Variants in INO80 observed in about 807,000 individuals in gnomAD.
INO80 encodes the protein chromatin-remodeling ATPase INO80.
In INO80, 20 loss-of-function variants were observed where a neutral mutation model predicts 203.4. That is an observed-to-expected ratio of 0.10 (90% CI 0.07 to 0.14). The LOEUF (loss-of-function observed/expected upper bound fraction) is 0.14, where lower values mean the gene tolerates loss of function less well. INO80 is among the 10% of genes least tolerant of loss of function. The probability of loss-of-function intolerance (pLI) is 1.00; values close to 1 mark genes in which losing one functional copy is unlikely to be tolerated. For missense variants in INO80, 1,419 were observed against 1,914.4 expected (o/e 0.74, Z 4.83); for synonymous variants, 726 against 685.2 (o/e 1.06, Z -0.93).
intron 14 of INO80, among the ~76,000 whole-genome samples, chr15:41,061,192 AG>A (rs2045098730): frequency 6.6e-6 from 1 of 152,128 alleles, no homozygotes; most frequent in South Asian, 2.1e-4. Flanking sequence ...CTGCAGTCCC[AG>A]GAACTCACGA....
In INO80 at chr15:41,015,541, T is replaced by C. The variant is rs142390758; in HGVS notation, c.3402+547A>G. 7.3e-3 allele frequency among the ~76,000 whole-genome samples: 1,101 copies of C among 151,660 alleles called. 4 individuals carry two copies. Among genetic ancestry groups the C allele is most frequent in the Non-Finnish European group, 0.012 (810 of 67,882 alleles). On this transcript the variant is annotated intron_variant, in intron 27 of 35. Coordinates refer to ENST00000648947, the MANE Select transcript of INO80 (RefSeq NM_017553.3). The stretch of plus-strand genomic sequence containing the variant: ...TTCCCTAGTAAAAGGATGTAAGGGG[T>C]GTTCTATTTCACTGGTGTAGGGCAG...
At chr15:41,060,305 T>C (rs148016928) in intron 14 of INO80, among the ~76,000 whole-genome samples, 410 of 152,280 alleles carry the variant, frequency 2.7e-3, no homozygotes, top group Non-Finnish European at 4.6e-3. Context: ...AGATGTAAGA[T>C]AGGCTGGGCA....
chr15:41,019,168 T>C lies in INO80; in HGVS notation c.3274+1732A>G, dbSNP rs186535481. Among the ~76,000 whole-genome samples, 409 of 152,296 alleles carry C rather than the reference T, an allele frequency of 2.7e-3. 3 individuals carry two copies. The highest frequency in any genetic ancestry group is 0.013 in the South Asian group (61 of 4,818). ...GATTGTACATCTTTCTGGTGAAACATGGAGAAGAAAAGGTGTGAAACCCAG... is the reference window on the plus strand; with the variant it reads ...GATTGTACATCTTTCTGGTGAAACACGGAGAAGAAAAGGTGTGAAACCCAG... On this transcript the variant is annotated intron_variant, in intron 26 of 35. Transcript: ENST00000648947.
At chr15:41,073,266 C>T (rs954565358) in intron 11 of INO80, among the ~76,000 whole-genome samples, 162 bp downstream of exon 11, 43 of 151,984 alleles carry the variant, frequency 2.8e-4, no homozygotes, top group African/African-American at 9.9e-4. Context: ...TGAAAGAGAC[C>T]CAGCTCCACC....
intron 1 of INO80, among the ~76,000 whole-genome samples, chr15:41,100,225 C>T (rs1030217884): frequency 6.6e-6 from 1 of 152,078 alleles, no homozygotes; most frequent in Non-Finnish European, 1.5e-5. Flanking sequence ...CAGGCGCCTG[C>T]CACCACGCCA....
chr15:41,027,921 CA>C (rs2044400824), intron 24 of INO80, 185 bp from the exon 25 acceptor site: 1 of 402,150 alleles, frequency 2.5e-6, no homozygotes, highest in South Asian at 7.2e-5. Context: ...ATGTTAATTT[CA>C]AAATGTGGTT....
At chr15:41,034,650 T>C (rs1414403053) in intron 24 of INO80, among the ~76,000 whole-genome samples, 1 of 152,234 alleles carries the variant, frequency 6.6e-6, no homozygotes, top group African/African-American at 2.4e-5. Flanking sequence ...ACTAACTTGT[T>C]AGCTCCAAAG....
At chr15:41,107,263 G>A (rs1338602831) in intron 1 of INO80, among the ~76,000 whole-genome samples, 2 of 152,192 alleles carry the variant, frequency 1.3e-5, no homozygotes, top group African/African-American at 4.8e-5. Context: ...CAAGGCAGGC[G>A]ATCATTTGAG....
At chr15:41,082,439 G>A (rs960157645) in intron 7 of INO80, among the ~76,000 whole-genome samples, 1 of 151,850 alleles carries the variant, frequency 6.6e-6, no homozygotes, top group African/African-American at 2.4e-5. Flanking sequence ...GGTGGCTCAC[G>A]CCTGTAATCC....
intron 26 of INO80, chr15:41,018,853 A>C (rs1027796157): frequency 2.0e-5 from 3 of 152,262 alleles, no homozygotes; most frequent in Non-Finnish European, 4.4e-5. Context: ...GATTCTGCTA[A>C]GTCAAACCTG....
rs182986420 is a variant in INO80, at chr15:41,109,142, T to C, written c.-44+6831A>G. On this transcript the variant is annotated intron_variant, in intron 1 of 35. Coordinates refer to ENST00000648947, the MANE Select transcript of INO80 (RefSeq NM_017553.3). ...CATTAATAAGGTAGAAAGGGCAGATTTGATAGCTTACCTCAAAAAAGCTAC... is the reference window on the plus strand; with the variant it reads ...CATTAATAAGGTAGAAAGGGCAGATCTGATAGCTTACCTCAAAAAAGCTAC... 1.5e-3 allele frequency: 235 copies of C among 152,942 alleles called. 2 individuals carry two copies. Among genetic ancestry groups the C allele is most frequent in the African/African-American group, 5.5e-3 (228 of 41,584 alleles). 9.5% of individuals were successfully genotyped at this position (152,942 alleles called of 1,614,324 possible). A position where few individuals can be genotyped will look rare whatever the true frequency, so the allele number is the denominator to read the frequency against.
intron 24 of INO80, among the ~76,000 whole-genome samples, chr15:41,036,156 G>GAAAAAAAAAAAA (rs369185302): frequency 9.3e-5 from 3 of 32,142 alleles, no homozygotes; most frequent in Non-Finnish European, 1.2e-4. Context: ...ACTCTCTCTC[G>GAAAAAAAAAAAA]AAAAAAAAAA....
chr15:41,108,840 C>G (rs1463364390), intron 1 of INO80: 1 of 152,186 alleles, frequency 6.6e-6, no homozygotes, highest in Non-Finnish European at 1.5e-5. Context: ...GAACCGGAAC[C>G]TTTGTACAAA....
chr15:41,002,634 G>A (rs1386746693), intron 28 of INO80, among the ~76,000 whole-genome samples: 2 of 152,132 alleles, frequency 1.3e-5, no homozygotes, highest in African/African-American at 4.8e-5. Flanking sequence ...AGTCTTAAAT[G>A]TTCTTATCCT....
chr15:41,068,835 C>T (rs527690322), intron 14 of INO80, among the ~76,000 whole-genome samples: 1 of 151,914 alleles, frequency 6.6e-6, no homozygotes, highest in Admixed American at 6.6e-5. Flanking sequence ...ACTCTAGCCT[C>T]GGCGACAGAG....
chr15:41,067,365 T>C (rs1226181602), intron 14 of INO80, among the ~76,000 whole-genome samples: 1 of 152,044 alleles, frequency 6.6e-6, no homozygotes, highest in Admixed American at 6.6e-5. Context: ...TGAGCCACCA[T>C]GCCCGGCCAA....
chr15:41,048,194 A>T lies in INO80; in HGVS notation c.2641+18T>A. The stretch of plus-strand genomic sequence containing the variant: ...AAAACCCTGACAAACCTACTTTCCC[A>T]AAGATCAAAACACCTACCTTTTCTG... On this transcript the variant is annotated intron_variant, in intron 22 of 35. Transcript: ENST00000648947. The T allele has an allele frequency of 1.9e-6, 3 of 1,599,738 alleles. No individual in the cohort carries two copies. Among genetic ancestry groups the T allele is most frequent in the Non-Finnish European group, 2.6e-6 (3 of 1,168,688 alleles).
At chr15:41,078,310 A>G (rs2045435699) in intron 9 of INO80, among the ~76,000 whole-genome samples, 1 of 152,198 alleles carries the variant, frequency 6.6e-6, no homozygotes, top group African/African-American at 2.4e-5. Flanking sequence ...GTTCAAAGAA[A>G]AATGCATAAG....
Position 41,012,325 on chromosome 15 carries a change from G to C in INO80, c.3402+3763C>G, listed in dbSNP as rs560982285. Among the ~76,000 whole-genome samples, 131 of 151,940 alleles carry C rather than the reference G, an allele frequency of 8.6e-4. No individual in the cohort carries two copies. The South Asian group carries it at 0.016, about 18-fold the overall frequency. ...CTCACGCCTGTAATCCCAACACTTT[G>C]GGAGGCCAAGATGGGAGGATTACTT... On this transcript the variant is annotated intron_variant, in intron 27 of 35. Coordinates refer to ENST00000648947, the MANE Select transcript of INO80 (RefSeq NM_017553.3).
Sources: gnomAD v4.1 joint callset for allele counts (sites outside exome capture counted in the v4.1 genomes callset) on GRCh38, gnomAD v4.1.1 for gene constraint, MANE v1.5 for transcripts, NCBI Gene and HGNC (gene_info 2026-07-23, HGNC 2026-07-21) for gene names.